MAMDC2: variants seen among roughly 807,000 people sequenced by gnomAD.
MAMDC2 encodes MAM domain containing 2.
Under a neutral mutation model 89.8 loss-of-function variants are expected in MAMDC2, and 57 were observed. That is an observed-to-expected ratio of 0.63 (90% CI 0.51 to 0.79). MAMDC2 has a LOEUF of 0.79. Among genes scored for constraint, MAMDC2 ranks in the 30% least tolerant of loss-of-function variants. The probability of loss-of-function intolerance (pLI) is 0.00; values close to 1 mark genes in which losing one functional copy is unlikely to be tolerated. For synonymous variants in MAMDC2, 313 were observed against 293.4 expected, an observed-to-expected ratio of 1.07 and a Z score of -0.68; for missense variants, 800 against 820.6, an observed-to-expected ratio of 0.97 and a Z score of 0.31.
At chr9:70,076,955 C>T (rs903479852) in intron 2 of MAMDC2, among the ~76,000 whole-genome samples, 1 of 152,192 alleles carries the variant, frequency 6.6e-6, no homozygotes, top group Admixed American at 6.5e-5. Context: ...TCCAGGAAGG[C>T]AGACCTTAGA....
At chr9:70,208,381 T>C (rs556212021) in intron 11 of MAMDC2, among the ~76,000 whole-genome samples, 131 of 152,294 alleles carry the variant, frequency 8.6e-4, no homozygotes, top group Non-Finnish European at 1.6e-4. Context: ...GGTATTTTAT[T>C]CTCTTTGAAG....
intron 2 of MAMDC2, chr9:70,079,197 C>A (rs2118121056): frequency 6.6e-6 from 1 of 152,304 alleles, no homozygotes; most frequent in Admixed American, 6.5e-5. Context: ...TGACCCTCCA[C>A]CCCAAGGGGA....
At chr9:70,221,380 T>TATATATATATATATAGAGAGAGAGAG in intron 12 of MAMDC2, among the ~76,000 whole-genome samples, 17 of 7,034 alleles carry the variant, frequency 2.4e-3, no homozygotes, top group Non-Finnish European at 3.7e-3. Context: ...TATATATATA[T>TATATATATATATATAGAGAGAGAGAG]AGAGAGAGAG....
rs147137340 is a variant in MAMDC2, at chr9:70,116,469, T to G, written c.643+3337T>G. Among the ~76,000 whole-genome samples the G allele has an allele frequency of 2.4e-3, 358 of 148,262 alleles. 1 individual carries two copies. Among genetic ancestry groups the G allele is most frequent in the African/African-American group, 8.6e-3 (349 of 40,588 alleles). ...TCCAGGCCCAGTTATCAGAGTACTT[T>G]ATTACCTTGACTAAACCCTTAATTT... On this transcript the variant is annotated intron_variant, in intron 5 of 13. Transcript: ENST00000377182.
At chr9:70,125,804 G>A (rs1275238762) in intron 5 of MAMDC2, among the ~76,000 whole-genome samples, 1 of 152,156 alleles carries the variant, frequency 6.6e-6, no homozygotes, top group African/African-American at 2.4e-5. Flanking sequence ...GGCTTCTCAG[G>A]TAATGTTCTA....
intron 9 of MAMDC2, among the ~76,000 whole-genome samples, chr9:70,144,865 C>T (rs924610476): frequency 8.5e-5 from 13 of 152,198 alleles, no homozygotes; most frequent in African/African-American, 3.1e-4. Context: ...TCTATAACTT[C>T]CTGCCAAAGA....
chr9:70,171,896 A>G (rs954259364), intron 11 of MAMDC2: 3 of 152,248 alleles, frequency 2.0e-5, no homozygotes, highest in African/African-American at 7.2e-5. Flanking sequence ...GTGTTAGGCC[A>G]TATTCAAAGC....
intron 5 of MAMDC2, among the ~76,000 whole-genome samples, chr9:70,125,079 G>A (rs1563965028): frequency 6.6e-6 from 1 of 152,228 alleles, no homozygotes; most frequent in African/African-American, 2.4e-5. Flanking sequence ...TTCTGAGCTT[G>A]TAAACAGAAA....
intron 2 of MAMDC2, among the ~76,000 whole-genome samples, chr9:70,046,818 C>G (rs1233115162): frequency 1.3e-5 from 2 of 152,214 alleles, no homozygotes; most frequent in Non-Finnish European, 2.9e-5. Context: ...AATTCATTCT[C>G]CTCTGAGCAC....
At chr9:70,225,641 A>C in intron 12 of MAMDC2, 109 bp from the exon 13 acceptor site, 1 of 608,662 alleles carries the variant, frequency 1.6e-6, no homozygotes, top group East Asian at 2.9e-5. Context: ...CCTTAAAGGG[A>C]TCCTCAAGAG....
chr9:70,118,126 C>T lies in MAMDC2; in HGVS notation c.643+4994C>T, dbSNP rs144735360. Among the ~76,000 whole-genome samples the T allele has an allele frequency of 4.4e-3, 662 of 152,118 alleles. 7 individuals carry two copies. The highest frequency in any genetic ancestry group is 0.015 in the African/African-American group (633 of 41,470). ...TATATTTGGAGAGCATTTGAGAATC[C>T]CAAGGTATGTGATCATGGCAGAGGA... On this transcript the variant is annotated intron_variant, in intron 5 of 13. Coordinates refer to ENST00000377182, the MANE Select transcript of MAMDC2 (RefSeq NM_153267.5).
chr9:70,186,064 GT>G (rs149035167), intron 11 of MAMDC2, among the ~76,000 whole-genome samples: 3 of 150,216 alleles, frequency 2.0e-5, no homozygotes, highest in Admixed American at 6.6e-5. Flanking sequence ...TTTACAAGTT[GT>G]TTTTTTTTCT....
At chr9:70,117,481 T>A (rs779900673) in intron 5 of MAMDC2, among the ~76,000 whole-genome samples, 2 of 152,114 alleles carry the variant, frequency 1.3e-5, no homozygotes, top group Non-Finnish European at 2.9e-5. Context: ...GGGATGGAGA[T>A]AGCATTAGAA....
Position 70,044,163 on chromosome 9 carries a change from C to T in MAMDC2, c.-35C>T, listed in dbSNP as rs777792350. ...CCAGTCCCAGCGGGCTGGCAACTTG[C>T]ACCCCTTCCTAGTCATCCTCCCTGA... On this transcript the variant is annotated 5_prime_UTR_variant, in exon 1 of 14. Transcript: ENST00000377182. 2.5e-6 allele frequency: 4 copies of T among 1,613,332 alleles called. No individual in the cohort carries two copies. Among genetic ancestry groups the T allele is most frequent in the South Asian group, 1.1e-5 (1 of 91,074 alleles).
intron 11 of MAMDC2, chr9:70,176,012 G>C (rs1335722278): frequency 1.3e-5 from 2 of 152,196 alleles, no homozygotes; most frequent in Non-Finnish European, 2.9e-5. Context: ...ACGTGGGTTA[G>C]GGCTTCAACA....
At chr9:70,164,886 T>G (rs1048495437) in intron 9 of MAMDC2, among the ~76,000 whole-genome samples, 4 of 151,594 alleles carry the variant, frequency 2.6e-5, no homozygotes, top group African/African-American at 4.8e-5. Context: ...GTGATCCTAC[T>G]GTCTCAGCCT....
chr9:70,048,447 T>A (rs182749423), intron 2 of MAMDC2, among the ~76,000 whole-genome samples: 61 of 152,224 alleles, frequency 4.0e-4, no homozygotes, highest in Admixed American at 3.9e-3. Context: ...AGGAGGCATG[T>A]GCTACCACCC....
At position 70,131,531 on chromosome 9, in the gene MAMDC2, G is replaced by T. The variant is rs1459896735; in HGVS notation, c.913G>T (p.Val305Phe). ...APYPMEVIFE[V>F]AFNGPKGGYV... ...TTTTCCTCTGCAGGTTATTTTTGAA[G>T]TTGCTTTCAATGGTCCCAAGGGAGG... is the stretch of plus-strand genomic sequence containing the variant. The change falls in exon 7 of 14, where the codon GTT becomes TTT. Residue 305 changes from valine (V) to phenylalanine (F), a missense_variant. By Grantham distance (50) the Val-to-Phe change is conservative. Transcript: ENST00000377182. 1 of 1,598,918 alleles carries T rather than the reference G, an allele frequency of 6.3e-7. No individual in the cohort carries two copies. Among genetic ancestry groups the T allele is most frequent in the South Asian group, 1.1e-5 (1 of 87,258 alleles).
intron 5 of MAMDC2, among the ~76,000 whole-genome samples, chr9:70,115,665 A>G (rs1194279567): frequency 6.6e-6 from 1 of 152,190 alleles, no homozygotes; most frequent in Non-Finnish European, 1.5e-5. Flanking sequence ...GAGTTTTTCT[A>G]CGGATAGCCC....
Sources: allele counts gnomAD v4.1 joint callset (sites outside exome capture counted in the v4.1 genomes callset), GRCh38; gene constraint gnomAD v4.1.1; transcripts MANE v1.5; gene names NCBI Gene and HGNC (gene_info 2026-07-23, HGNC 2026-07-21).